The following TNFRSF10B variants were observed in gnomAD, a reference collection of about 807,000 sequenced individuals.
TNFRSF10B encodes TNF receptor superfamily member 10b.
A neutral mutation model predicts 41.4 loss-of-function variants in TNFRSF10B; 35 were observed. That is an observed-to-expected ratio of 0.85 (90% CI 0.65 to 1.12). TNFRSF10B has a LOEUF of 1.12. TNFRSF10B is among the 50% of genes most tolerant of loss of function. The pLI, the probability that TNFRSF10B is intolerant of heterozygous loss-of-function variation, is 0.00. For missense variants in TNFRSF10B, 584 were observed against 552.7 expected, an observed-to-expected ratio of 1.06 and a Z score of -0.57; for synonymous variants, 230 against 215.5, an observed-to-expected ratio of 1.07 and a Z score of -0.59.
chr8:23,061,597 T>C (rs908482776), intron 1 of TNFRSF10B, among the ~76,000 whole-genome samples: 1 of 152,194 alleles, frequency 6.6e-6, no homozygotes, highest in African/African-American at 2.4e-5. Flanking sequence ...TGGGTAGATA[T>C]CCTTATGTTG....
intron 2 of TNFRSF10B, among the ~76,000 whole-genome samples, chr8:23,034,031 T>C (rs900252278): frequency 2.6e-5 from 4 of 152,196 alleles, no homozygotes; most frequent in Non-Finnish European, 5.9e-5. Context: ...TACATTTGGT[T>C]TGTAAATCCT....
At chr8:23,064,413 C>G (rs1038668494) in intron 1 of TNFRSF10B, among the ~76,000 whole-genome samples, 2 of 152,220 alleles carry the variant, frequency 1.3e-5, no homozygotes, top group Non-Finnish European at 2.9e-5. Context: ...CGAGGCTGTG[C>G]CGTCCGTGGG....
At position 23,027,138 on chromosome 8, in the gene TNFRSF10B, G is replaced by T. The variant is rs1346252126; in HGVS notation, c.931C>A (p.Leu311Met). ...NMLSPGESEH[L>M]LEPAEAERSQ... ...ATGATCTGTCCCCCACTCACCAGCA[G>T]ATGCTCTGACTCCCCGGGGGACAAC... Residue 311 changes from leucine to methionine, a missense_variant, in exon 7 of 9, where the codon CTG (leucine) becomes ATG (methionine). Coordinates refer to ENST00000276431, the MANE Select transcript of TNFRSF10B (RefSeq NM_003842.5). 1.2e-6 allele frequency: 2 copies of T among 1,614,070 alleles called. No homozygotes were observed. The highest frequency in any genetic ancestry group is 1.7e-5 in the Admixed American group (1 of 60,022).
intron 8 of TNFRSF10B, among the ~76,000 whole-genome samples, chr8:23,023,218 T>A (rs770056971): frequency 4.2e-4 from 64 of 151,958 alleles, no homozygotes; most frequent in Non-Finnish European, 8.2e-4. Context: ...TCAGCCCTCA[T>A]ACAGGGCTGA....
intron 2 of TNFRSF10B, among the ~76,000 whole-genome samples, chr8:23,039,921 C>T (rs1298336568): frequency 2.0e-5 from 3 of 152,004 alleles, no homozygotes; most frequent in Non-Finnish European, 2.9e-5. Context: ...AGGCTAGGTG[C>T]GTGGCTCATA....
intron 2 of TNFRSF10B, 160 bp downstream of exon 2, chr8:23,042,978 C>T (rs554777491): frequency 1.9e-5 from 12 of 629,832 alleles, no homozygotes; most frequent in African/African-American, 1.5e-4. Flanking sequence ...TGTCTTGATA[C>T]CATCCTAGCA....
intron 3 of TNFRSF10B, among the ~76,000 whole-genome samples, chr8:23,030,344 G>C (rs922266047): frequency 6.6e-6 from 1 of 152,090 alleles, no homozygotes; most frequent in African/African-American, 2.4e-5. Context: ...ACAGGGTTTT[G>C]CTCTGTTGCC....
At chr8:23,052,976 G>T (rs1333878092) in intron 1 of TNFRSF10B, among the ~76,000 whole-genome samples, 1 of 152,218 alleles carries the variant, frequency 6.6e-6, no homozygotes. Context: ...AAATTAACTG[G>T]TTGTTTAAAG....
rs1333275812 is a variant in TNFRSF10B at position 23,024,187 on chromosome 8, C to A, written c.1009+1G>T. ...TGCATCTCCAGGAGCAAAACACTTA[C>A]TCTCAGTGGGATCACCTTCATTTGC... On this transcript the variant is annotated splice_donor_variant, in intron 8 of 8. Coordinates refer to ENST00000276431, the MANE Select transcript of TNFRSF10B (RefSeq NM_003842.5). LOFTEE classifies it high-confidence loss of function. 1 of 1,614,142 alleles carries A rather than the reference C, an allele frequency of 6.2e-7. No homozygotes were observed. The highest frequency in any genetic ancestry group is 8.5e-7 in the Non-Finnish European group (1 of 1,180,004).
Position 23,022,401 on chromosome 8 carries a change from T to C in TNFRSF10B, c.*270A>G, listed in dbSNP as rs1811560523. 1 of 598,420 alleles carries C rather than the reference T, an allele frequency of 1.7e-6. No homozygotes were observed. Among genetic ancestry groups the C allele is most frequent in the African/African-American group, 1.8e-5 (1 of 54,946 alleles). The allele number at this position is 598,420 out of a possible 1,614,324, so 37.1% of individuals were successfully genotyped here. ...AAAAAGTGCTGTGAAAACAATGACA[T>C]CCCAAACCAAATCTCAAAGTACGCA... On this transcript the variant is annotated 3_prime_UTR_variant, in exon 9 of 9. Coordinates refer to ENST00000276431, the MANE Select transcript of TNFRSF10B (RefSeq NM_003842.5).
chr8:23,043,293 C>T, intron 1 of TNFRSF10B, 50 bp from the exon 2 acceptor site: 1 of 1,463,028 alleles, frequency 6.8e-7, no homozygotes, highest in South Asian at 1.2e-5. Context: ...GACCTCACCC[C>T]TCCCAGGATC....
intron 2 of TNFRSF10B, among the ~76,000 whole-genome samples, chr8:23,042,613 T>C (rs948037805): frequency 2.0e-5 from 3 of 152,196 alleles, no homozygotes; most frequent in African/African-American, 2.4e-5. Flanking sequence ...GTACATCCGA[T>C]GCTGGTGGCC....
intron 2 of TNFRSF10B, among the ~76,000 whole-genome samples, chr8:23,042,695 AC>A (rs1812239646): frequency 6.6e-6 from 1 of 151,794 alleles, no homozygotes. Context: ...GTGGGATCTG[AC>A]CCCACGTGTC....
At chr8:23,033,812 A>G (rs1259679880) in intron 2 of TNFRSF10B, among the ~76,000 whole-genome samples, 1 of 151,486 alleles carries the variant, frequency 6.6e-6, no homozygotes, top group Non-Finnish European at 1.5e-5. Flanking sequence ...AGAGGGGGGG[A>G]GAGAGAGAGC....
intron 1 of TNFRSF10B, among the ~76,000 whole-genome samples, chr8:23,063,620 T>TATC (rs894270581): frequency 3.9e-5 from 6 of 152,072 alleles, no homozygotes; most frequent in African/African-American, 1.4e-4. Context: ...CGGCCTGCGT[T>TATC]ATCATCATTT....
chr8:23,030,936 G>A (rs1019702983), intron 2 of TNFRSF10B, 64 bp from the exon 3 acceptor site: 2 of 1,191,288 alleles, frequency 1.7e-6, no homozygotes, highest in African/African-American at 3.0e-5. Context: ...TGGCAGTGGT[G>A]GCTGGGGGAC....
chr8:23,040,655 T>A (rs542103827), intron 2 of TNFRSF10B, among the ~76,000 whole-genome samples: 3 of 151,844 alleles, frequency 2.0e-5, no homozygotes, highest in Non-Finnish European at 4.4e-5. Context: ...TCTTTTCTTG[T>A]CAATAACTAT....
intron 1 of TNFRSF10B, among the ~76,000 whole-genome samples, chr8:23,064,418 C>T (rs13252794): frequency 0.65 from 98,814 of 152,144 alleles, 32,408 homozygotes; most frequent in East Asian, 0.9. Context: ...CTGTGCCGTC[C>T]GTGGGCCTCT....
intron 2 of TNFRSF10B, among the ~76,000 whole-genome samples, chr8:23,036,750 G>A (rs1471566900): frequency 6.6e-6 from 1 of 152,218 alleles, no homozygotes; most frequent in Non-Finnish European, 1.5e-5. Flanking sequence ...GGCTGAGGCA[G>A]GGGAATCACT....
Sources: allele counts gnomAD v4.1 joint callset (sites outside exome capture counted in the v4.1 genomes callset), GRCh38; gene constraint gnomAD v4.1.1; transcripts MANE v1.5; gene names NCBI Gene and HGNC (gene_info 2026-07-23, HGNC 2026-07-21).